SCAPER: variants seen among roughly 807,000 people sequenced by gnomAD.
SCAPER encodes S-phase cyclin A associated protein in the ER, also known as S phase cyclin A-associated protein in the endoplasmic reticulum.
A neutral mutation model predicts 182.2 loss-of-function variants in SCAPER; 98 were observed. That is an observed-to-expected ratio of 0.54 (90% CI 0.46 to 0.64). SCAPER has a LOEUF of 0.64. Among genes scored for constraint, SCAPER ranks in the 30% least tolerant of loss-of-function variants. The pLI is 0.00. For synonymous variants in SCAPER, 605 were observed against 564.6 expected (o/e 1.07, Z -1.01); for missense variants, 1,432 against 1,690.0 (o/e 0.85, Z 2.68).
chr15:76,714,848 A>T (rs2059800305), intron 17 of SCAPER, among the ~76,000 whole-genome samples: 1 of 152,212 alleles, frequency 6.6e-6, no homozygotes, highest in Non-Finnish European at 1.5e-5. Context: ...AGTGGAGCTT[A>T]TCCCAGAAAT....
intron 23 of SCAPER, among the ~76,000 whole-genome samples, chr15:76,506,986 A>G (rs527568474): frequency 1.3e-5 from 2 of 152,156 alleles, no homozygotes; most frequent in African/African-American, 4.8e-5. Context: ...GCTACACTGT[A>G]TGTTTTTAAG....
intron 3 of SCAPER, among the ~76,000 whole-genome samples, chr15:76,862,111 T>G (rs1291099549): frequency 6.6e-6 from 1 of 152,126 alleles, no homozygotes. Flanking sequence ...AAGGTGAGAT[T>G]TGGGTGGGGA....
At chr15:76,806,918 T>C (rs1347926411) in intron 5 of SCAPER, among the ~76,000 whole-genome samples, 1 of 152,226 alleles carries the variant, frequency 6.6e-6, no homozygotes, top group African/African-American at 2.4e-5. Flanking sequence ...TTGTATCCTA[T>C]AATCTTGCTA....
intron 6 of SCAPER, among the ~76,000 whole-genome samples, chr15:76,801,987 A>G (rs1392450660): frequency 6.6e-6 from 1 of 152,074 alleles, no homozygotes; most frequent in African/African-American, 2.4e-5. Context: ...CCACTCTGTT[A>G]AGCTTGGGTT....
chr15:76,616,955 A>G (rs1402213519), intron 22 of SCAPER, among the ~76,000 whole-genome samples: 1 of 152,172 alleles, frequency 6.6e-6, no homozygotes, highest in Non-Finnish European at 1.5e-5. Context: ...AGTAAAACAA[A>G]TTGGGCACTT....
intron 23 of SCAPER, among the ~76,000 whole-genome samples, chr15:76,564,907 C>T: frequency 6.6e-6 from 1 of 152,122 alleles, no homozygotes; most frequent in Non-Finnish European, 1.5e-5. Flanking sequence ...CTGACAAAAA[C>T]AAGCAATGGG....
chr15:76,715,790 C>G (rs906461107), intron 17 of SCAPER, among the ~76,000 whole-genome samples: 3 of 152,120 alleles, frequency 2.0e-5, no homozygotes, highest in African/African-American at 7.2e-5. Context: ...CACCCTGCCC[C>G]CCAAGGTCAG....
chr15:76,449,165 T>C (rs2048203400), intron 25 of SCAPER, among the ~76,000 whole-genome samples: 1 of 152,212 alleles, frequency 6.6e-6, no homozygotes, highest in Non-Finnish European at 1.5e-5. Flanking sequence ...TATTTTTCTA[T>C]AAAGGCCTAT....
intron 21 of SCAPER, among the ~76,000 whole-genome samples, chr15:76,639,899 A>C (rs370667035): frequency 1.3e-5 from 2 of 152,146 alleles, no homozygotes; most frequent in South Asian, 2.1e-4. Flanking sequence ...TTACTTGTAT[A>C]CTTGTATTGA....
intron 22 of SCAPER, among the ~76,000 whole-genome samples, chr15:76,584,077 A>C (rs1343010644): frequency 6.6e-6 from 1 of 152,260 alleles, no homozygotes; most frequent in South Asian, 2.1e-4. Context: ...AGAATGGAAT[A>C]TATCACCAAT....
chr15:76,612,369 C>G (rs1254106812), intron 22 of SCAPER, among the ~76,000 whole-genome samples: 1 of 152,124 alleles, frequency 6.6e-6, no homozygotes, highest in Non-Finnish European at 1.5e-5. Flanking sequence ...TCCCGAGTAG[C>G]TGAACTACAG....
intron 25 of SCAPER, among the ~76,000 whole-genome samples, chr15:76,452,842 A>G (rs1297450735): frequency 6.6e-6 from 1 of 151,666 alleles, no homozygotes; most frequent in East Asian, 1.9e-4. Flanking sequence ...TAGTTCAAAG[A>G]ACTTTTTTTT....
At chr15:76,690,826 G>C (rs554146827) in intron 20 of SCAPER, among the ~76,000 whole-genome samples, 11 of 150,782 alleles carry the variant, frequency 7.3e-5, no homozygotes, top group South Asian at 6.2e-4. Context: ...TTCATATTAA[G>C]TCCAGAAAAT....
chr15:76,655,661 G>A (rs1296551542), intron 21 of SCAPER, among the ~76,000 whole-genome samples: 2 of 152,184 alleles, frequency 1.3e-5, no homozygotes, highest in African/African-American at 4.8e-5. Context: ...ATCCTCAAGA[G>A]AGAAGGGGCA....
intron 5 of SCAPER, among the ~76,000 whole-genome samples, chr15:76,819,504 A>C (rs1164088378): frequency 6.6e-6 from 1 of 152,224 alleles, no homozygotes; most frequent in Non-Finnish European, 1.5e-5. Context: ...AGCAAACTCC[A>C]ACAGACCTGC....
At chr15:76,553,186 C>T (rs1383130915) in intron 23 of SCAPER, among the ~76,000 whole-genome samples, 1 of 152,242 alleles carries the variant, frequency 6.6e-6, no homozygotes, top group Non-Finnish European at 1.5e-5. Context: ...CCTCCTCTAT[C>T]CAACCCAGCT....
At chr15:76,808,785 T>C (rs994146833) in intron 5 of SCAPER, among the ~76,000 whole-genome samples, 2 of 152,176 alleles carry the variant, frequency 1.3e-5, no homozygotes, top group Admixed American at 6.5e-5. Flanking sequence ...AGATTACGCA[T>C]CTGCCAGGCC....
chr15:76,636,546 G>A (rs1343769607), intron 21 of SCAPER, among the ~76,000 whole-genome samples: 1 of 151,968 alleles, frequency 6.6e-6, no homozygotes, highest in African/African-American at 2.4e-5. Context: ...ACCTGACCCA[G>A]TCCTTCAGGG....
intron 23 of SCAPER, among the ~76,000 whole-genome samples, chr15:76,570,178 A>C (rs565172776): frequency 6.6e-6 from 1 of 152,148 alleles, no homozygotes; most frequent in Non-Finnish European, 1.5e-5. Context: ...AGCCACCTAC[A>C]TGATTTGAAA....
Sources: gnomAD v4.1 joint callset for allele counts (sites outside exome capture counted in the v4.1 genomes callset) on GRCh38, gnomAD v4.1.1 for gene constraint, MANE v1.5 for transcripts, NCBI Gene and HGNC (gene_info 2026-07-23, HGNC 2026-07-21) for gene names.